The following EPHB1 variants were observed in gnomAD, a reference collection of about 807,000 sequenced individuals.
The protein encoded by EPHB1 is ephrin type-B receptor 1.
Under a neutral mutation model 94.4 loss-of-function variants are expected in EPHB1, and 30 were observed. That is an observed-to-expected ratio of 0.32 (90% CI 0.24 to 0.43). The LOEUF (loss-of-function observed/expected upper bound fraction) is 0.43, where lower values mean the gene tolerates loss of function less well. Among genes scored for constraint, EPHB1 ranks in the 20% least tolerant of loss-of-function variants. The pLI, the probability that EPHB1 is intolerant of heterozygous loss-of-function variation, is 1.00. For synonymous variants in EPHB1, 522 were observed against 489.1 expected, an observed-to-expected ratio of 1.07 and a Z score of -0.89; for missense variants, 1,055 against 1,308.3, an observed-to-expected ratio of 0.81 and a Z score of 2.99.
intron 1 of EPHB1, among the ~76,000 whole-genome samples, chr3:134,878,457 C>T (rs11718320): frequency 0.089 from 13,550 of 152,150 alleles, 638 homozygotes; most frequent in South Asian, 0.11. Flanking sequence ...CTGAAGAGGT[C>T]GACATCGTCA....
At chr3:135,159,913 T>G (rs1941460788) in intron 6 of EPHB1, among the ~76,000 whole-genome samples, 1 of 152,242 alleles carries the variant, frequency 6.6e-6, no homozygotes, top group African/African-American at 2.4e-5. Flanking sequence ...TTTGCATGTT[T>G]AATTCTGTTC....
intron 1 of EPHB1, among the ~76,000 whole-genome samples, chr3:134,846,158 G>T (rs1433361588): frequency 6.6e-6 from 1 of 152,224 alleles, no homozygotes; most frequent in Non-Finnish European, 1.5e-5. Flanking sequence ...GTGAGGAACA[G>T]TACACAAGTT....
At chr3:135,067,115 G>C (rs764411613) in intron 3 of EPHB1, among the ~76,000 whole-genome samples, 1 of 152,192 alleles carries the variant, frequency 6.6e-6, no homozygotes, top group Non-Finnish European at 1.5e-5. Flanking sequence ...AATGGACTCT[G>C]TGAGGGTTCT....
At chr3:135,189,711 C>G (rs537801330) in intron 10 of EPHB1, among the ~76,000 whole-genome samples, 2 of 152,196 alleles carry the variant, frequency 1.3e-5, no homozygotes. Context: ...TTGAGAACCA[C>G]TGAGGTAGAA....
intron 12 of EPHB1, among the ~76,000 whole-genome samples, chr3:135,220,491 A>G (rs920162251): frequency 1.2e-4 from 18 of 152,144 alleles, no homozygotes; most frequent in African/African-American, 3.9e-4. Context: ...GCGTTTGATA[A>G]AAAGAAAAAA....
Position 135,201,546 on chromosome 3 carries a change from C to G in EPHB1, c.2203C>G (p.Leu735Val), listed in dbSNP as rs1453561878. 6.2e-7 allele frequency: 1 copy of G among 1,613,870 alleles called. No homozygotes were observed. Among genetic ancestry groups the G allele is most frequent in the East Asian group, 2.2e-5 (1 of 44,862 alleles). Residue 735 changes from leucine to valine, a missense_variant, in exon 12 of 16, where the codon CTG becomes GTG. Leu to Val is a conservative substitution (Grantham distance 32). Coordinates refer to ENST00000398015, the MANE Select transcript of EPHB1 (RefSeq NM_004441.5). ...GGGCATCGCTGCTGGCATGAAGTAC[C>G]TGGCTGAGATGAATTATGTGCATCG... The part of the protein sequence containing the change: ...LRGIAAGMKY[L>V]AEMNYVHRDL...
chr3:135,090,562 T>A (rs1559825704), intron 3 of EPHB1, among the ~76,000 whole-genome samples: 1 of 152,244 alleles, frequency 6.6e-6, no homozygotes, highest in East Asian at 1.9e-4. Context: ...ATTTAGGAGC[T>A]GAGCTCTGAC....
intron 1 of EPHB1, among the ~76,000 whole-genome samples, chr3:134,807,731 A>T (rs998423112): frequency 1.3e-4 from 19 of 151,984 alleles, no homozygotes; most frequent in East Asian, 1.2e-3. Context: ...TAATGAAAAG[A>T]CTCTCTACAG....
At chr3:135,092,239 T>C (rs1938581442) in intron 3 of EPHB1, among the ~76,000 whole-genome samples, 1 of 152,124 alleles carries the variant, frequency 6.6e-6, no homozygotes, top group Non-Finnish European at 1.5e-5. Context: ...TTGTTGATGC[T>C]GCAGAGACCT....
At chr3:135,013,833 AATCAAG>A (rs757396029) in intron 3 of EPHB1, among the ~76,000 whole-genome samples, 3 of 152,214 alleles carry the variant, frequency 2.0e-5, no homozygotes, top group Non-Finnish European at 4.4e-5. Flanking sequence ...ATTACACATC[AATCAAG>A]AGAGCTTATT....
intron 1 of EPHB1, among the ~76,000 whole-genome samples, chr3:134,850,091 G>A (rs981890695): frequency 6.6e-6 from 1 of 152,188 alleles, no homozygotes; most frequent in Non-Finnish European, 1.5e-5. Context: ...CTCCAGGGAA[G>A]ACAGGGCTGC....
intron 3 of EPHB1, among the ~76,000 whole-genome samples, chr3:134,963,160 TC>T (rs1933593794): frequency 6.7e-6 from 1 of 149,258 alleles, no homozygotes; most frequent in Non-Finnish European, 1.5e-5. Flanking sequence ...CTTCCTTCCT[TC>T]CTTCCTTCCT....
At chr3:135,183,050 CTT>C (rs61131751) in intron 10 of EPHB1, among the ~76,000 whole-genome samples, 4 of 90,168 alleles carry the variant, frequency 4.4e-5, no homozygotes, top group Non-Finnish European at 6.6e-5. Context: ...TTCTTTCTTT[CTT>C]TCTTTCTTTC....
intron 13 of EPHB1, among the ~76,000 whole-genome samples, chr3:135,243,047 C>A (rs573784785): frequency 2.9e-4 from 42 of 144,954 alleles, no homozygotes; most frequent in Non-Finnish European, 5.5e-4. Flanking sequence ...TGCATTCCAG[C>A]CTGGGTGACA....
At chr3:135,255,649 T>C (rs1266396476) in intron 15 of EPHB1, among the ~76,000 whole-genome samples, 4 of 150,870 alleles carry the variant, frequency 2.7e-5, no homozygotes, top group African/African-American at 9.8e-5. Context: ...ATGTGGTCAA[T>C]TTTGGAATAG....
At chr3:134,854,290 A>G (rs1474872911) in intron 1 of EPHB1, among the ~76,000 whole-genome samples, 1 of 152,062 alleles carries the variant, frequency 6.6e-6, no homozygotes, top group Non-Finnish European at 1.5e-5. Context: ...ATTCTGCTTG[A>G]TGATTTAGGG....
intron 1 of EPHB1, among the ~76,000 whole-genome samples, chr3:134,833,023 GAGA>G (rs886249894): frequency 1.3e-5 from 2 of 152,150 alleles, no homozygotes; most frequent in African/African-American, 2.4e-5. Context: ...TTTCTGGTTG[GAGA>G]AGAAGAGTCT....
At chr3:134,805,925 C>T (rs940592623) in intron 1 of EPHB1, among the ~76,000 whole-genome samples, 1 of 152,108 alleles carries the variant, frequency 6.6e-6, no homozygotes, top group African/African-American at 2.4e-5. Flanking sequence ...GTTTATTTTG[C>T]TGGGTACCCC....
intron 12 of EPHB1, among the ~76,000 whole-genome samples, chr3:135,223,680 C>A (rs1419272453): frequency 1.3e-5 from 2 of 152,122 alleles, no homozygotes; most frequent in African/African-American, 2.4e-5. Flanking sequence ...ATTGGCTTCT[C>A]TATAAAAACA....
Sources: allele counts gnomAD v4.1 joint callset (sites outside exome capture counted in the v4.1 genomes callset), GRCh38; gene constraint gnomAD v4.1.1; transcripts MANE v1.5; gene names NCBI Gene and HGNC (gene_info 2026-07-23, HGNC 2026-07-21).